Variants in TRIM71 observed in about 807,000 individuals in gnomAD.
The protein encoded by TRIM71 is E3 ubiquitin-protein ligase TRIM71.
TRIM71 carries 9 observed loss-of-function variants against 61.2 expected under a neutral mutation model. That is an observed-to-expected ratio of 0.15 (90% CI 0.09 to 0.26). The LOEUF (loss-of-function observed/expected upper bound fraction) is 0.26. TRIM71 is among the 10% of genes least tolerant of loss of function. The probability of loss-of-function intolerance (pLI) is 1.00; values close to 1 mark genes in which losing one functional copy is unlikely to be tolerated. For missense variants in TRIM71, 998 were observed against 1,238.7 expected, an observed-to-expected ratio of 0.81 and a Z score of 2.92; for synonymous variants, 645 against 553.2, an observed-to-expected ratio of 1.17 and a Z score of -2.33.
chr3:32,868,692 T>A (rs1202061022), intron 1 of TRIM71, among the ~76,000 whole-genome samples: 1 of 151,436 alleles, frequency 6.6e-6, no homozygotes, highest in African/African-American at 2.4e-5. Flanking sequence ...TAGGGTTTTT[T>A]TTTTTTTTAA....
intron 1 of TRIM71, among the ~76,000 whole-genome samples, chr3:32,846,422 G>A (rs1016195329): frequency 1.3e-5 from 2 of 151,980 alleles, no homozygotes; most frequent in East Asian, 1.9e-4. Context: ...ATGTTTAGGG[G>A]GTACAATGTG....
intron 1 of TRIM71, among the ~76,000 whole-genome samples, chr3:32,838,540 T>TAAA (rs1322320166): frequency 7.9e-6 from 1 of 127,172 alleles, no homozygotes; most frequent in East Asian, 2.5e-4. Context: ...TTTTTTTTTT[T>TAAA]AATCAAGCAT....
At chr3:32,838,272 G>A (rs1696357631) in intron 1 of TRIM71, among the ~76,000 whole-genome samples, 1 of 152,118 alleles carries the variant, frequency 6.6e-6, no homozygotes. Context: ...TGCCCAGGCT[G>A]GAGTGCAGTG....
intron 1 of TRIM71, among the ~76,000 whole-genome samples, chr3:32,820,557 G>C (rs1696115826): frequency 6.6e-6 from 1 of 152,204 alleles, no homozygotes; most frequent in African/African-American, 2.4e-5. Context: ...TTCACTTGCA[G>C]TTTGGGATCA....
chr3:32,894,707 T>C lies in TRIM71; in HGVS notation c.*2896T>C, dbSNP rs1466202810. 6.6e-6 allele frequency: 1 copy of C among 152,240 alleles called. No homozygotes were observed. Among genetic ancestry groups the C allele is most frequent in the Non-Finnish European group, 1.5e-5 (1 of 68,048 alleles). The allele number at this position is 152,240 out of a possible 1,614,324, so 9.4% of individuals were successfully genotyped here. ...TGCGAAGCACTTTGGAGAGTGTTTA[T>C]TGTATGATGTGAAATGTTCTAAATC... On this transcript the variant is annotated 3_prime_UTR_variant, in exon 4 of 4. Coordinates refer to ENST00000383763, the MANE Select transcript of TRIM71 (RefSeq NM_001039111.3).
rs1307961971 is a variant in TRIM71, at chr3:32,894,939, A to T, written c.*3128A>T. The stretch of plus-strand genomic sequence containing the variant: ...AAAAGGTTTCTGGGGAGTAAGTATG[A>T]CAATTACTAGTCCCCATGGAGGTCT... On this transcript the variant is annotated 3_prime_UTR_variant, in exon 4 of 4. Transcript: ENST00000383763. 1 of 152,192 alleles carries T rather than the reference A, an allele frequency of 6.6e-6. No individual in the cohort carries two copies. Among genetic ancestry groups the T allele is most frequent in the East Asian group, 1.9e-4 (1 of 5,198 alleles). The allele number at this position is 152,192 out of a possible 1,614,324, so 9.4% of individuals were successfully genotyped here.
In TRIM71 at chr3:32,818,727, A is replaced by T. The variant is rs761808230; in HGVS notation, c.647A>T (p.Gln216Leu). The stretch of plus-strand genomic sequence containing the variant: ...GCTTCTTCGCGCTGCCTCGACTGCC[A>T]GGAGCACCTGTGCGACAACTGCGTC... ...NAASSRCLDC[Q>L]EHLCDNCVRA... Residue 216 changes from glutamine (Q) to leucine (L), a missense_variant, in exon 1 of 4, where the codon CAG (glutamine) becomes CTG (leucine). By Grantham distance (113) the Gln-to-Leu change is moderately radical. Transcript: ENST00000383763. The T allele has an allele frequency of 2.5e-6, 4 of 1,598,770 alleles. No homozygotes were observed. In the Admixed American group the frequency reaches 6.7e-5, roughly 27 times the overall value.
At chr3:32,870,767 G>A (rs1291552634) in intron 1 of TRIM71, among the ~76,000 whole-genome samples, 1 of 152,118 alleles carries the variant, frequency 6.6e-6, no homozygotes, top group Non-Finnish European at 1.5e-5. Context: ...TTACATAGTT[G>A]GAGTCTGGAA....
At chr3:32,886,798 A>G (rs2125692410) in intron 3 of TRIM71, among the ~76,000 whole-genome samples, 1 of 152,300 alleles carries the variant, frequency 6.6e-6, no homozygotes, top group African/African-American at 2.4e-5. Context: ...ATGGCACCTC[A>G]GTTTCTGCAA....
At chr3:32,874,324 TTACTACTAC>T (rs34214588) in intron 2 of TRIM71, among the ~76,000 whole-genome samples, 1,280 of 121,560 alleles carry the variant, frequency 0.011, 20 homozygotes, top group African/African-American at 0.046. Context: ...TTAATGCTTA[TTACTACTAC>T]TACTACTACT....
chr3:32,879,131 A>G (rs1696880441), intron 2 of TRIM71, among the ~76,000 whole-genome samples: 1 of 152,222 alleles, frequency 6.6e-6, no homozygotes, highest in African/African-American at 2.4e-5. Context: ...AAACTTCTGC[A>G]GCTTCCTCAT....
chr3:32,889,276 T>A (rs1696996140), intron 3 of TRIM71, among the ~76,000 whole-genome samples: 1 of 152,054 alleles, frequency 6.6e-6, no homozygotes, highest in South Asian at 2.1e-4. Flanking sequence ...GGGATCTTGC[T>A]ATTTTTTTAA....
chr3:32,884,614 G>C (rs10222489), intron 2 of TRIM71, among the ~76,000 whole-genome samples: 1 of 151,832 alleles, frequency 6.6e-6, no homozygotes, highest in African/African-American at 2.4e-5. Context: ...ATTAGTGATC[G>C]CCATGGGGTA....
intron 2 of TRIM71, among the ~76,000 whole-genome samples, chr3:32,876,969 G>A (rs78381563): frequency 0.025 from 3,779 of 152,200 alleles, 157 homozygotes; most frequent in African/African-American, 0.086. Context: ...AGTTGAAAGT[G>A]TGTGCCCAAC....
chr3:32,821,383 C>A (rs1319158543), intron 1 of TRIM71, among the ~76,000 whole-genome samples: 1 of 152,114 alleles, frequency 6.6e-6, no homozygotes, highest in Admixed American at 6.5e-5. Context: ...GTGACTCAGG[C>A]CACCTGACCT....
At chr3:32,826,600 T>TTTC (rs1696205580) in intron 1 of TRIM71, among the ~76,000 whole-genome samples, 1 of 145,164 alleles carries the variant, frequency 6.9e-6, no homozygotes, top group Non-Finnish European at 1.5e-5. Flanking sequence ...TTTTTTTTTT[T>TTTC]TTTTGAGAGG....
Position 32,897,686 on chromosome 3 carries a change from C to T in TRIM71, c.*5875C>T, listed in dbSNP as rs1295453762. 1 of 152,160 alleles carries T rather than the reference C, an allele frequency of 6.6e-6. No homozygotes were observed. The highest frequency in any genetic ancestry group is 1.5e-5 in the Non-Finnish European group (1 of 68,004). The allele number at this position is 152,160 out of a possible 1,614,324, so 9.4% of individuals were successfully genotyped here. A position where few individuals can be genotyped will look rare whatever the true frequency, so the allele number is the denominator to read the frequency against. On this transcript the variant is annotated 3_prime_UTR_variant, in exon 4 of 4. Coordinates refer to ENST00000383763, the MANE Select transcript of TRIM71 (RefSeq NM_001039111.3). ...GTATCACTGTGGTCCACAGAGAAGGCTGGAGGAGGTAGCAAGGAGATGCTG... is the reference window on the plus strand; with the variant it reads ...GTATCACTGTGGTCCACAGAGAAGGTTGGAGGAGGTAGCAAGGAGATGCTG...
At chr3:32,884,080 A>G (rs1696935497) in intron 2 of TRIM71, among the ~76,000 whole-genome samples, 1 of 152,122 alleles carries the variant, frequency 6.6e-6, no homozygotes, top group African/African-American at 2.4e-5. Context: ...GCAGTGTGGC[A>G]CCTAACCACT....
chr3:32,831,602 G>A (rs533095305), intron 1 of TRIM71, among the ~76,000 whole-genome samples: 88 of 144,500 alleles, frequency 6.1e-4, no homozygotes, highest in African/African-American at 2.2e-3. Context: ...ACAATGGCGC[G>A]ATCTCGGCTC....
Sources: gnomAD v4.1 joint callset for allele counts (sites outside exome capture counted in the v4.1 genomes callset) on GRCh38, gnomAD v4.1.1 for gene constraint, MANE v1.5 for transcripts, NCBI Gene and HGNC (gene_info 2026-07-23, HGNC 2026-07-21) for gene names.